ACOXL: variants seen among roughly 807,000 people sequenced by gnomAD.
The protein encoded by ACOXL is acyl-coenzyme A oxidase-like protein.
In ACOXL, 70 loss-of-function variants were observed where a neutral mutation model predicts 71.9. The observed-to-expected ratio is 0.97, with a 90% CI of 0.80 to 1.19. The LOEUF (loss-of-function observed/expected upper bound fraction) is 1.19. Among genes scored for constraint, ACOXL ranks in the 50% most tolerant of loss-of-function variants. The probability of loss-of-function intolerance (pLI) is 0.00; values close to 1 mark genes in which losing one functional copy is unlikely to be tolerated. For missense variants in ACOXL, 703 were observed against 736.3 expected (o/e 0.95, Z 0.52); for synonymous variants, 253 against 281.6 (o/e 0.90, Z 1.02).
intron 17 of ACOXL, among the ~76,000 whole-genome samples, chr2:111,112,540 C>G (rs2070056879): frequency 6.6e-6 from 1 of 152,188 alleles, no homozygotes; most frequent in South Asian, 2.1e-4. Context: ...GAATGTTTGT[C>G]TAAAGGGAAA....
At chr2:110,932,424 A>G (rs1416186862) in intron 11 of ACOXL, among the ~76,000 whole-genome samples, 1 of 152,112 alleles carries the variant, frequency 6.6e-6, no homozygotes, top group African/African-American at 2.4e-5. Context: ...TGATTAGGGA[A>G]GAAGATAAGT....
chr2:110,802,122 A>T (rs953071379), intron 8 of ACOXL, among the ~76,000 whole-genome samples: 26 of 152,376 alleles, frequency 1.7e-4, no homozygotes, highest in African/African-American at 5.0e-4. Flanking sequence ...CACATGCATT[A>T]TCATCTTTAA....
At chr2:110,890,973 GT>G (rs911916531) in intron 10 of ACOXL, among the ~76,000 whole-genome samples, 2 of 150,996 alleles carry the variant, frequency 1.3e-5, no homozygotes, top group Non-Finnish European at 3.0e-5. Context: ...CTTTTTTTTT[GT>G]TTTCAGTACA....
chr2:110,908,042 G>A (rs1484312767), intron 10 of ACOXL, among the ~76,000 whole-genome samples: 2 of 152,222 alleles, frequency 1.3e-5, no homozygotes, highest in African/African-American at 2.4e-5. Context: ...GCTGCTGAAT[G>A]TAGGATGTAG....
At chr2:110,891,060 ATTTTTGGATTG>A (rs1319224147) in intron 10 of ACOXL, among the ~76,000 whole-genome samples, 10 of 72,670 alleles carry the variant, frequency 1.4e-4, no homozygotes, top group Admixed American at 1.3e-3. Context: ...TTGCTTTTTA[ATTTTTGGATTG>A]TTCATTATTA....
At chr2:110,775,130 G>A (rs894284756) in intron 2 of ACOXL, among the ~76,000 whole-genome samples, 7 of 152,208 alleles carry the variant, frequency 4.6e-5, no homozygotes, top group Non-Finnish European at 8.8e-5. Flanking sequence ...CAAGTATGAC[G>A]TTGGAAGCTT....
At chr2:110,853,658 G>C (rs1011710711) in intron 10 of ACOXL, among the ~76,000 whole-genome samples, 17 of 152,278 alleles carry the variant, frequency 1.1e-4, no homozygotes, top group Admixed American at 4.6e-4. Flanking sequence ...CCACTTTTAC[G>C]GTTGTCTGTG....
Position 110,804,575 on chromosome 2 carries a change from T to C in ACOXL, c.621-688T>C, listed in dbSNP as rs143094154. The stretch of plus-strand genomic sequence containing the variant: ...ATTCACAATAGCAAAAAGGGGAAGA[T>C]AATCCAAATATCCATCGACTGAGGA... On this transcript the variant is annotated intron_variant, in intron 8 of 17. Transcript: ENST00000439055. Among the ~76,000 whole-genome samples the C allele has an allele frequency of 9.7e-4, 148 of 152,266 alleles. 1 individual carries two copies. Among genetic ancestry groups the C allele is most frequent in the African/African-American group, 3.4e-3 (141 of 41,542 alleles).
intron 15 of ACOXL, among the ~76,000 whole-genome samples, chr2:111,045,370 C>T (rs1410730281): frequency 6.6e-6 from 1 of 152,200 alleles, no homozygotes; most frequent in East Asian, 1.9e-4. Context: ...TGCAAGTTGT[C>T]ACTGAATCAG....
chr2:110,746,739 C>T (rs920200474), intron 1 of ACOXL, among the ~76,000 whole-genome samples: 6 of 152,094 alleles, frequency 3.9e-5, no homozygotes, highest in Non-Finnish European at 5.9e-5. Context: ...AGCGAACTAC[C>T]GAAGAAACAG....
At chr2:110,915,755 G>A (rs893124735) in intron 11 of ACOXL, among the ~76,000 whole-genome samples, 4 of 151,850 alleles carry the variant, frequency 2.6e-5, no homozygotes, top group Non-Finnish European at 4.4e-5. Flanking sequence ...TATTACTAGA[G>A]TTAATTGGCT....
intron 10 of ACOXL, chr2:110,887,802 T>C (rs930730909): frequency 6.6e-6 from 1 of 152,186 alleles, no homozygotes; most frequent in Non-Finnish European, 1.5e-5. Context: ...CCTTTCTAGT[T>C]TGAGTAGAAA....
At position 111,049,217 on chromosome 2, in the gene ACOXL, G is replaced by A. The variant is rs113297147; in HGVS notation, c.1370-1G>A. ...CACAATTTCCATTTCTTCCCTTCCA[G>A]TTACCTTAGAGCAGTTCTCCCTAGC... On this transcript the variant is annotated splice_acceptor_variant, in intron 15 of 17. Coordinates refer to ENST00000439055, the MANE Select transcript of ACOXL (RefSeq NM_001142807.4). LOFTEE classifies it high-confidence loss of function. 4.4e-6 allele frequency: 7 copies of A among 1,608,846 alleles called. No individual in the cohort carries two copies. The highest frequency in any genetic ancestry group is 5.1e-6 in the Non-Finnish European group (6 of 1,175,414).
chr2:110,811,209 G>T (rs1288849794), intron 9 of ACOXL, among the ~76,000 whole-genome samples: 1 of 152,208 alleles, frequency 6.6e-6, no homozygotes, highest in African/African-American at 2.4e-5. Context: ...AACTCCTCAG[G>T]CAGGAGTGTT....
intron 17 of ACOXL, among the ~76,000 whole-genome samples, chr2:111,117,278 A>T (rs1202873436): frequency 6.6e-6 from 1 of 152,192 alleles, no homozygotes; most frequent in Non-Finnish European, 1.5e-5. Flanking sequence ...AGGACCAGGG[A>T]GGAAGGACCA....
intron 12 of ACOXL, among the ~76,000 whole-genome samples, chr2:110,973,498 G>A (rs1445019921): frequency 6.6e-6 from 1 of 152,194 alleles, no homozygotes; most frequent in African/African-American, 2.4e-5. Context: ...TGCCATCTGT[G>A]AACAAGGAAG....
chr2:110,844,540 C>A (rs1012731720), intron 10 of ACOXL, among the ~76,000 whole-genome samples: 2 of 145,146 alleles, frequency 1.4e-5, no homozygotes, highest in African/African-American at 2.5e-5. Flanking sequence ...CTTTTTTTTT[C>A]TTTTCTTTTC....
chr2:110,807,349 A>G (rs1222681245), intron 9 of ACOXL, among the ~76,000 whole-genome samples: 1 of 152,124 alleles, frequency 6.6e-6, no homozygotes, highest in African/African-American at 2.4e-5. Context: ...TCCATAGCTG[A>G]CAGCTGTTAT....
chr2:110,884,789 G>C, intron 10 of ACOXL, among the ~76,000 whole-genome samples: 1 of 151,928 alleles, frequency 6.6e-6, no homozygotes, highest in East Asian at 1.9e-4. Context: ...TTCAATAAAG[G>C]CTTCTAAAAG....
Sources: gnomAD v4.1 joint callset for allele counts (sites outside exome capture counted in the v4.1 genomes callset) on GRCh38, gnomAD v4.1.1 for gene constraint, MANE v1.5 for transcripts, NCBI Gene and HGNC (gene_info 2026-07-23, HGNC 2026-07-21) for gene names.